KAZN: variants seen among roughly 807,000 people sequenced by gnomAD.
KAZN encodes kazrin, periplakin interacting protein.
A neutral mutation model predicts 87.4 loss-of-function variants in KAZN; 40 were observed. The ratio of observed to expected loss-of-function variants is 0.46; its 90% CI spans 0.36 to 0.60. KAZN has a LOEUF of 0.60. KAZN is among the 20% of genes least tolerant of loss of function. The pLI, the probability that KAZN is intolerant of heterozygous loss-of-function variation, is 0.00. For missense variants in KAZN, 898 were observed against 1,073.9 expected (o/e 0.84, Z 2.29); for synonymous variants, 466 against 458.3 (o/e 1.02, Z -0.22).
intron 1 of KAZN, among the ~76,000 whole-genome samples, chr1:14,081,269 A>G (rs1643664013): frequency 1.3e-5 from 2 of 152,142 alleles, no homozygotes; most frequent in Admixed American, 1.3e-4. Context: ...TTAATCTTCC[A>G]CTTGGGGCCC....
chr1:13,951,178 T>C (rs1305409649), intron 1 of KAZN, among the ~76,000 whole-genome samples: 1 of 152,070 alleles, frequency 6.6e-6, no homozygotes, highest in Non-Finnish European at 1.5e-5. Flanking sequence ...CAGTGCACAG[T>C]GTTGGGGGTC....
chr1:13,938,257 T>A (rs1209936712), intron 1 of KAZN, among the ~76,000 whole-genome samples: 1 of 152,210 alleles, frequency 6.6e-6, no homozygotes, highest in Non-Finnish European at 1.5e-5. Context: ...CTTGGTTAAA[T>A]GTATTCTAGG....
intron 1 of KAZN, among the ~76,000 whole-genome samples, chr1:14,928,531 G>C (rs77532997): frequency 6.6e-6 from 1 of 151,640 alleles, no homozygotes; most frequent in Non-Finnish European, 1.5e-5. Flanking sequence ...TAAAAAAAAA[G>C]TTTGTCCTCT....
chr1:14,561,235 AT>A (rs1674235609), intron 2 of KAZN, among the ~76,000 whole-genome samples: 1 of 152,168 alleles, frequency 6.6e-6, no homozygotes, highest in South Asian at 2.1e-4. Flanking sequence ...TCACTGAGCT[AT>A]TTTAAAACTC....
chr1:14,142,375 G>A (rs1256931809), intron 1 of KAZN, among the ~76,000 whole-genome samples: 6 of 152,184 alleles, frequency 3.9e-5, no homozygotes, highest in Non-Finnish European at 7.3e-5. Context: ...GTTCCTAACA[G>A]CAAATGTAAA....
intron 2 of KAZN, among the ~76,000 whole-genome samples, chr1:14,292,809 G>A (rs540971693): frequency 6.6e-6 from 1 of 152,202 alleles, no homozygotes; most frequent in Admixed American, 6.5e-5. Flanking sequence ...TTCCTTCTCA[G>A]TGCACCTGTT....
chr1:14,598,646 T>C (rs975110953), upstream of KAZN: 2 of 1,163,126 alleles, frequency 1.7e-6, no homozygotes, highest in Non-Finnish European at 2.1e-6. The surrounding 1 kb of genome is among the most constrained non-coding windows in gnomAD (Gnocchi z 4.2). Flanking sequence ...CGGCGAATGG[T>C]AGGCTCCATT....
At chr1:14,421,860 C>T (rs1665449396) in intron 2 of KAZN, among the ~76,000 whole-genome samples, 1 of 152,132 alleles carries the variant, frequency 6.6e-6, no homozygotes, top group South Asian at 2.1e-4. Context: ...ACTTACTACA[C>T]TGGGTCCTGG....
In KAZN at chr1:14,598,907, A is replaced by G; in HGVS notation, c.-91A>G. On this transcript the variant is annotated 5_prime_UTR_variant, in exon 1 of 15. Transcript: ENST00000376030. The surrounding 1 kb of genome is among the most constrained non-coding windows in gnomAD (Gnocchi z 4.2). ...GCGAAGCCGGGCCGCGGAGGACACAACAGGTAGAGCCGGGGGTGCCCGGCC... is the reference window on the plus strand; with the variant it reads ...GCGAAGCCGGGCCGCGGAGGACACAGCAGGTAGAGCCGGGGGTGCCCGGCC... 3.2e-6 allele frequency: 5 copies of G among 1,538,642 alleles called. No individual in the cohort carries two copies. The highest frequency in any genetic ancestry group is 4.4e-6 in the Non-Finnish European group (5 of 1,149,038).
intron 1 of KAZN, among the ~76,000 whole-genome samples, chr1:14,824,556 G>A (rs975973686): frequency 2.0e-5 from 3 of 152,162 alleles, no homozygotes; most frequent in East Asian, 3.8e-4. Context: ...AAGGAGCGAC[G>A]CTTGCATCTT....
intron 1 of KAZN, among the ~76,000 whole-genome samples, chr1:14,696,767 CG>C (rs2148795726): frequency 6.6e-6 from 1 of 152,246 alleles, no homozygotes; most frequent in East Asian, 1.9e-4. Flanking sequence ...AAGCTCCCAG[CG>C]AGGCTGATCC....
At chr1:15,059,197 G>A (rs565170919) in intron 5 of KAZN, among the ~76,000 whole-genome samples, 24 of 150,996 alleles carry the variant, frequency 1.6e-4, no homozygotes, top group African/African-American at 4.6e-4. Flanking sequence ...TCCGCCTCCC[G>A]AAGTGCTGAG....
chr1:14,621,120 G>A (rs1207342572), intron 1 of KAZN, among the ~76,000 whole-genome samples: 2 of 152,182 alleles, frequency 1.3e-5, no homozygotes, highest in African/African-American at 2.4e-5. Context: ...TGCTGGAATG[G>A]AGGCCAAATC....
rs540863078 is a variant in KAZN, at chr1:14,503,391, G to A, written c.250-95592G>A. Reference sequence around the variant, plus strand: ...CCCAGCTACTCGGGAGGCTGAGGCAGGAGAATGGCATGAACCTGGGAGGCA... The same window carrying A: ...CCCAGCTACTCGGGAGGCTGAGGCAAGAGAATGGCATGAACCTGGGAGGCA... On this transcript the variant is annotated intron_variant, in intron 2 of 16. Coordinates refer to the KAZN transcript ENST00000636203. Among the ~76,000 whole-genome samples the A allele has an allele frequency of 2.6e-5, 4 of 151,396 alleles. No homozygotes were observed. In the South Asian group the frequency reaches 6.4e-4, roughly 24 times the overall value.
In KAZN at chr1:14,305,290, G is replaced by C. The variant is rs116691039; in HGVS notation, c.249+124698G>C. 7.4e-3 allele frequency among the ~76,000 whole-genome samples: 1,134 copies of C among 152,234 alleles called. 15 individuals are homozygous for C. Among genetic ancestry groups the C allele is most frequent in the African/African-American group, 0.026 (1,072 of 41,522 alleles). ...TGCAAGCCATGATATCAACCCTACA[G>C]AAGCAGATTATATCTTGGAATTTAA... On this transcript the variant is annotated intron_variant, in intron 2 of 16. Coordinates refer to the KAZN transcript ENST00000636203.
Position 14,735,182 on chromosome 1 carries a change from C to T in KAZN, c.226+135959C>T, listed in dbSNP as rs143295064. ...TCACTCCATTCTCCTGCCTCAGCCT[C>T]AGGAGCAGCTGGGACTACAGGCACC... is the stretch of plus-strand genomic sequence containing the variant. On this transcript the variant is annotated intron_variant, in intron 1 of 14. Transcript: ENST00000376030. The surrounding 1 kb of genome is among the most constrained non-coding windows in gnomAD (Gnocchi z 4.3). 0.017 allele frequency among the ~76,000 whole-genome samples: 2,639 copies of T among 152,296 alleles called. 51 individuals carry two copies. The highest frequency in any genetic ancestry group is 0.026 in the Non-Finnish European group (1,744 of 68,026).
At chr1:14,698,582 G>C (rs1235087461) in intron 1 of KAZN, among the ~76,000 whole-genome samples, 2 of 152,228 alleles carry the variant, frequency 1.3e-5, no homozygotes, top group Non-Finnish European at 2.9e-5. Context: ...GAGCCGCCCA[G>C]TGTTTCCCCT....
intron 1 of KAZN, among the ~76,000 whole-genome samples, chr1:14,174,923 C>T (rs1056201462): frequency 1.3e-5 from 2 of 152,096 alleles, no homozygotes; most frequent in African/African-American, 4.8e-5. Flanking sequence ...AGCTTGGGCA[C>T]GGTCTAGCTC....
At chr1:14,162,530 CTTTTCTTTTCTT>C (rs1413194029) in intron 1 of KAZN, among the ~76,000 whole-genome samples, 2 of 146,134 alleles carry the variant, frequency 1.4e-5, no homozygotes, top group African/African-American at 2.6e-5. Context: ...TTGGTTTTAT[CTTTTCTTTTCTT>C]TTTTCTTTTT....
Sources: gnomAD v4.1 joint callset for allele counts (sites outside exome capture counted in the v4.1 genomes callset) on GRCh38, gnomAD v4.1.1 for gene constraint, Gnocchi (gnomAD v3.1) non-coding constraint, MANE v1.5 for transcripts, NCBI Gene and HGNC (gene_info 2026-07-23, HGNC 2026-07-21) for gene names.